ABCA9: variants seen among roughly 807,000 people sequenced by gnomAD.
ABCA9 encodes ATP-binding cassette sub-family A member 9.
A neutral mutation model predicts 205.3 loss-of-function variants in ABCA9; 183 were observed. The ratio of observed to expected loss-of-function variants is 0.89; its 90% CI spans 0.79 to 1.01. ABCA9 has a LOEUF of 1.01. Among genes scored for constraint, ABCA9 ranks in the 50% least tolerant of loss-of-function variants. The pLI is 0.00. For synonymous variants in ABCA9, 651 were observed against 683.3 expected, an observed-to-expected ratio of 0.95 and a Z score of 0.74; for missense variants, 1,805 against 1,912.4, an observed-to-expected ratio of 0.94 and a Z score of 1.05.
At chr17:69,037,752 C>T (rs2071395298) in intron 6 of ABCA9, among the ~76,000 whole-genome samples, 2 of 151,316 alleles carry the variant, frequency 1.3e-5, no homozygotes, top group South Asian at 2.1e-4. Flanking sequence ...ATGAAAAACC[C>T]TGCAAAAAAA....
chr17:69,035,327 T>C lies in ABCA9; in HGVS notation c.1047A>G (p.Ala349=). The part of the protein sequence containing the change: ...IVFWGILGFP[A]LYTRLPAFLE... Reference sequence around the variant, plus strand: ...AAAATGCAGGAAGACGTGTATACAATGCTGGGAATCCCAGGATCCCCCAAA... The same window carrying C: ...AAAATGCAGGAAGACGTGTATACAACGCTGGGAATCCCAGGATCCCCCAAA... Residue 349 remains alanine, a synonymous_variant, in exon 8 of 39, where the codon GCA becomes GCG. Transcript: ENST00000340001. The C allele has an allele frequency of 6.2e-7, 1 of 1,611,154 alleles. No individual in the cohort carries two copies. The highest frequency in any genetic ancestry group is 8.5e-7 in the Non-Finnish European group (1 of 1,178,460).
At chr17:69,014,230 CT>C (rs922126763) in intron 22 of ABCA9, among the ~76,000 whole-genome samples, 5 of 152,096 alleles carry the variant, frequency 3.3e-5, no homozygotes, top group African/African-American at 4.8e-5. Flanking sequence ...CAACATGACA[CT>C]ACAAGTGGAA....
intron 32 of ABCA9, 90 bp downstream of exon 32, chr17:68,986,074 C>T: frequency 7.4e-7 from 1 of 1,345,238 alleles, no homozygotes; most frequent in East Asian, 2.5e-5. Flanking sequence ...ATGGGGTCAT[C>T]AATTACAACC....
intron 25 of ABCA9, among the ~76,000 whole-genome samples, chr17:68,998,826 A>G (rs1429079536): frequency 1.3e-5 from 2 of 149,786 alleles, no homozygotes; most frequent in African/African-American, 5.1e-5. Flanking sequence ...TGTGGATCTA[A>G]AATTTCTTTT....
At chr17:68,986,128 C>T (rs2069229743) in intron 32 of ABCA9, 36 bp downstream of exon 32, 13 of 1,566,502 alleles carry the variant, frequency 8.3e-6, no homozygotes, top group Non-Finnish European at 1.1e-5. Context: ...ACAACATCCC[C>T]TCCAGCAAAG....
chr17:69,053,172 G>C (rs1213112251), intron 1 of ABCA9, among the ~76,000 whole-genome samples: 4 of 152,128 alleles, frequency 2.6e-5, no homozygotes, highest in Non-Finnish European at 4.4e-5. Flanking sequence ...CCTCTTCCTG[G>C]ACATCTGGGG....
chr17:69,046,047 T>C (rs1045596731), intron 3 of ABCA9, among the ~76,000 whole-genome samples: 1 of 152,186 alleles, frequency 6.6e-6, no homozygotes, highest in African/African-American at 2.4e-5. Flanking sequence ...GGTATAAATA[T>C]TGATATTGGA....
rs1451359021 is a variant in ABCA9, at chr17:68,982,691, C to G, written c.4641-50G>C. On this transcript the variant is annotated intron_variant, in intron 36 of 38. Transcript: ENST00000340001. ...GAACTCCAGGTGTCAAGGTTGAAAC[C>G]CCGATGGGTACAAGTCTAAAAAGGG... 3 of 1,432,614 alleles carry G rather than the reference C, an allele frequency of 2.1e-6. No homozygotes were observed. The East Asian group carries it at 6.8e-5, about 33-fold the overall frequency. The allele number at this position is 1,432,614 out of a possible 1,614,324, so 88.7% of individuals were successfully genotyped here.
rs138281321 is a variant in ABCA9 at position 68,989,256 on chromosome 17, T to TCTCTCTCA, written c.3956-139_3956-138insTGAGAGAG. 2.4e-3 allele frequency: 578 copies of TCTCTCTCA among 243,032 alleles called. 1 individual carries two copies. The highest frequency in any genetic ancestry group is 4.5e-3 in the Middle Eastern group (3 of 670). The allele number at this position is 243,032 out of a possible 1,614,324, so 15.1% of individuals were successfully genotyped here. Reference sequence around the variant, plus strand: ...TTTCCCTTATTCCTCTCTCTCTCTCTCACACACACACACACACACACACAC... The same window carrying TCTCTCTCA: ...TTTCCCTTATTCCTCTCTCTCTCTCTCTCTCTCACACACACACACACACACACACACAC... On this transcript the variant is annotated intron_variant, in intron 30 of 38. Transcript: ENST00000340001.
chr17:69,021,696 CCTTTCTTTCTTT>C, intron 18 of ABCA9, 34 bp downstream of exon 18: 1 of 1,222,476 alleles, frequency 8.2e-7, no homozygotes, highest in African/African-American at 1.7e-5. Context: ...TTCCTTCCTT[CCTTTCTTTCTTT>C]CTCCCTTTCT....
At chr17:69,006,416 T>C (rs946988763) in intron 25 of ABCA9, among the ~76,000 whole-genome samples, 18 of 152,186 alleles carry the variant, frequency 1.2e-4, no homozygotes, top group Non-Finnish European at 2.4e-4. Context: ...AATAAATAAA[T>C]TATAGCACAT....
intron 31 of ABCA9, 134 bp downstream of exon 31, chr17:68,988,893 A>C (rs998206953): frequency 7.1e-6 from 4 of 561,558 alleles, no homozygotes; most frequent in African/African-American, 3.7e-5. Flanking sequence ...TAAGTATATA[A>C]ATTTTTAATC....
Position 68,975,175 on chromosome 17 carries a change from A to G in ABCA9, c.*740T>C, listed in dbSNP as rs1423980435. 2 of 152,212 alleles carry G rather than the reference A, an allele frequency of 1.3e-5. No individual in the cohort carries two copies. The highest frequency in any genetic ancestry group is 2.9e-5 in the Non-Finnish European group (2 of 68,040). The allele number at this position is 152,212 out of a possible 1,614,324, so 9.4% of individuals were successfully genotyped here. On this transcript the variant is annotated 3_prime_UTR_variant, in exon 39 of 39. Coordinates refer to ENST00000340001, the MANE Select transcript of ABCA9 (RefSeq NM_080283.4). ...AGCTTCATCCATGTCCCTGTGAAGAATATGAACTCATCCTTTTCTATGGCT... is the reference window on the plus strand; with the variant it reads ...AGCTTCATCCATGTCCCTGTGAAGAGTATGAACTCATCCTTTTCTATGGCT...
At position 69,035,119 on chromosome 17, in the gene ABCA9, T is replaced by C. The variant is rs1355463499; in HGVS notation, c.1128+127A>G. 11 of 800,238 alleles carry C rather than the reference T, an allele frequency of 1.4e-5. No individual in the cohort carries two copies. In the African/African-American group the frequency reaches 1.8e-4, roughly 13 times the overall value. 49.6% of individuals were successfully genotyped at this position (800,238 alleles called of 1,614,324 possible). A position where few individuals can be genotyped will look rare whatever the true frequency, so the allele number is the denominator to read the frequency against. On this transcript the variant is annotated intron_variant, in intron 8 of 38. Transcript: ENST00000340001. ...GAGAGAGAAAAATTAAAGTCACTCC[T>C]GTCTCATACATGTTTATTTTTACAA...
intron 12 of ABCA9, 80 bp downstream of exon 12, chr17:69,028,455 G>T: frequency 2.0e-6 from 2 of 980,756 alleles, no homozygotes; most frequent in South Asian, 2.0e-5. Context: ...GTGAGCCACC[G>T]TGCCCAGCCC....
At position 69,021,700 on chromosome 17, in the gene ABCA9, T is replaced by C. The variant is rs112590685; in HGVS notation, c.2401+42A>G. 219 of 1,243,932 alleles carry C rather than the reference T, an allele frequency of 1.8e-4. 1 individual carries two copies. The highest frequency in any genetic ancestry group is 8.9e-4 in the African/African-American group (47 of 52,996). 77.1% of individuals were successfully genotyped at this position (1,243,932 alleles called of 1,614,324 possible). On this transcript the variant is annotated intron_variant, in intron 18 of 38. Coordinates refer to ENST00000340001, the MANE Select transcript of ABCA9 (RefSeq NM_080283.4). ...TTCGTCCTTCCTTCCTTCCTTCCTT[T>C]CTTTCTTTCTCCCTTTCTTTCTCTT...
At chr17:69,029,147 A>G (rs752515753) in intron 11 of ABCA9, 22 bp downstream of exon 11, 2 of 1,435,798 alleles carry the variant, frequency 1.4e-6, no homozygotes, top group Non-Finnish European at 1.9e-6. Context: ...CAGCCCCATT[A>G]AATAAAATAT....
chr17:69,016,234 G>C lies in ABCA9; in HGVS notation c.3039+19C>G, dbSNP rs374502007. 6 of 1,539,336 alleles carry C rather than the reference G, an allele frequency of 3.9e-6. No individual in the cohort carries two copies. In the African/African-American group the frequency reaches 7.1e-5, roughly 18 times the overall value. ...AAACTTATCATGGCACAGTATAAAT[G>C]AGATATAATTATACTTACTTCAAAA... is the stretch of plus-strand genomic sequence containing the variant. On this transcript the variant is annotated intron_variant, in intron 22 of 38. Coordinates refer to ENST00000340001, the MANE Select transcript of ABCA9 (RefSeq NM_080283.4).
At position 69,044,612 on chromosome 17, in the gene ABCA9, G is replaced by C; in HGVS notation, c.470-12C>G. On this transcript the variant is annotated splice_polypyrimidine_tract_variant and intron_variant, in intron 4 of 38. Coordinates refer to ENST00000340001, the MANE Select transcript of ABCA9 (RefSeq NM_080283.4). The stretch of plus-strand genomic sequence containing the variant: ...TGCTTGACAGTGAGCTTTAGAAGAA[G>C]AACACATCCATTATTACGGAATGAT... 1 of 1,607,448 alleles carries C rather than the reference G, an allele frequency of 6.2e-7. No homozygotes were observed. The highest frequency in any genetic ancestry group is 1.1e-5 in the South Asian group (1 of 90,726).
Sources: gnomAD v4.1 joint callset for allele counts (sites outside exome capture counted in the v4.1 genomes callset) on GRCh38, gnomAD v4.1.1 for gene constraint, MANE v1.5 for transcripts, NCBI Gene and HGNC (gene_info 2026-07-23, HGNC 2026-07-21) for gene names.